Variants in PPARGC1A observed in about 807,000 individuals in gnomAD.
PPARGC1A encodes PPARG coactivator 1 alpha.
In PPARGC1A, 25 loss-of-function variants were observed where a neutral mutation model predicts 88.7. The observed-to-expected ratio is 0.28, with a 90% CI of 0.21 to 0.39. PPARGC1A has a LOEUF of 0.39. PPARGC1A is among the 10% of genes least tolerant of loss of function. The pLI, the probability that PPARGC1A is intolerant of heterozygous loss-of-function variation, is 1.00. For missense variants in PPARGC1A, 880 were observed against 968.7 expected (o/e 0.91, Z 1.22); for synonymous variants, 363 against 355.6 (o/e 1.02, Z -0.24).
chr4:24,031,450 G>A, the PPARGC1A span, among the ~76,000 whole-genome samples: 1 of 152,062 alleles, frequency 6.6e-6, no homozygotes, highest in Non-Finnish European at 1.5e-5. Context: ...TTTATATGTG[G>A]TCCCTTCAAA....
At chr4:24,182,998 G>A in the PPARGC1A span, among the ~76,000 whole-genome samples, 3 of 152,064 alleles carry the variant, frequency 2.0e-5, no homozygotes, top group South Asian at 2.1e-4. Flanking sequence ...TAATAAACAC[G>A]CAAAGGAATA....
chr4:23,959,375 A>G, the PPARGC1A span, among the ~76,000 whole-genome samples: 1 of 152,164 alleles, frequency 6.6e-6, no homozygotes, highest in African/African-American at 2.4e-5. Flanking sequence ...CCCCTCTTGC[A>G]TATTTCAGTA....
chr4:23,839,857 C>T (rs557210141), intron 2 of PPARGC1A, among the ~76,000 whole-genome samples: 2 of 151,970 alleles, frequency 1.3e-5, no homozygotes, highest in East Asian at 2.0e-4. Flanking sequence ...AGATCTCGTG[C>T]GACCCATTCA....
the PPARGC1A span, among the ~76,000 whole-genome samples, chr4:24,217,979 T>A: frequency 5.3e-5 from 8 of 152,202 alleles, no homozygotes; most frequent in Admixed American, 6.5e-5. Flanking sequence ...AAAACTTTTT[T>A]AAAATTGTTA....
At chr4:24,104,721 C>T in the PPARGC1A span, among the ~76,000 whole-genome samples, 3 of 152,052 alleles carry the variant, frequency 2.0e-5, no homozygotes, top group African/African-American at 2.4e-5. Flanking sequence ...ATACCTGTGA[C>T]GAGATGTGGA....
chr4:24,129,052 A>C, the PPARGC1A span, among the ~76,000 whole-genome samples: 1 of 152,380 alleles, frequency 6.6e-6, no homozygotes, highest in East Asian at 1.9e-4. Context: ...CAGAGCAAAA[A>C]ATTAAAGATG....
the PPARGC1A span, among the ~76,000 whole-genome samples, chr4:24,103,698 G>A: frequency 1.3e-5 from 2 of 151,858 alleles, no homozygotes; most frequent in East Asian, 3.9e-4. Flanking sequence ...CTCTTCTGGA[G>A]GCTGTTGGTA....
chr4:24,233,502 A>G, the PPARGC1A span, among the ~76,000 whole-genome samples: 13 of 152,118 alleles, frequency 8.5e-5, no homozygotes, highest in African/African-American at 1.9e-4. Flanking sequence ...AATAGAGAAC[A>G]TTCTACACAT....
At chr4:23,881,198 G>A (rs1488512889) in intron 2 of PPARGC1A, 1 of 152,154 alleles carries the variant, frequency 6.6e-6, no homozygotes, top group Non-Finnish European at 1.5e-5. Context: ...CTACCAGCCG[G>A]TCCAGGGACG....
At chr4:24,142,961 T>C in the PPARGC1A span, among the ~76,000 whole-genome samples, 1 of 152,172 alleles carries the variant, frequency 6.6e-6, no homozygotes, top group Non-Finnish European at 1.5e-5. Flanking sequence ...ACTGTGATTA[T>C]TATAAAATAA....
chr4:24,171,820 G>A, the PPARGC1A span, among the ~76,000 whole-genome samples: 1 of 152,158 alleles, frequency 6.6e-6, no homozygotes, highest in Non-Finnish European at 1.5e-5. Context: ...GACTATTGTT[G>A]TGGAAAACAC....
At chr4:24,370,854 G>C in the PPARGC1A span, among the ~76,000 whole-genome samples, 1 of 137,934 alleles carries the variant, frequency 7.2e-6, no homozygotes, top group African/African-American at 2.8e-5. Context: ...ATGGTGGTTT[G>C]CTGCACCTAT....
the PPARGC1A span, among the ~76,000 whole-genome samples, chr4:24,303,159 C>T: frequency 1.3e-5 from 2 of 152,128 alleles, no homozygotes; most frequent in African/African-American, 4.8e-5. Flanking sequence ...TAAATCCTCA[C>T]AAAGAATATT....
At chr4:24,246,618 ATAAAT>A in the PPARGC1A span, among the ~76,000 whole-genome samples, 1 of 152,262 alleles carries the variant, frequency 6.6e-6, no homozygotes, top group Non-Finnish European at 1.5e-5. Flanking sequence ...CCTGTCAAAA[ATAAAT>A]TAATGAATTT....
the PPARGC1A span, among the ~76,000 whole-genome samples, chr4:24,009,150 A>AAAAAAAAAAAATAAAAAAAAG: frequency 1.3e-5 from 1 of 79,798 alleles, no homozygotes; most frequent in South Asian, 4.3e-4. Flanking sequence ...AAAAAAAAAA[A>AAAAAAAAAAAATAAAAAAAAG]AGAGAGAGAA....
the PPARGC1A span, among the ~76,000 whole-genome samples, chr4:23,936,558 C>A: frequency 6.6e-6 from 1 of 152,072 alleles, no homozygotes; most frequent in African/African-American, 2.4e-5. Context: ...GGAACATGGA[C>A]AAACCCCATC....
chr4:24,254,631 C>T, the PPARGC1A span, among the ~76,000 whole-genome samples: 1 of 152,144 alleles, frequency 6.6e-6, no homozygotes, highest in Non-Finnish European at 1.5e-5. Flanking sequence ...GTTTCAGAAC[C>T]ACAACAGGAG....
At chr4:24,180,752 C>G in the PPARGC1A span, among the ~76,000 whole-genome samples, 2 of 152,134 alleles carry the variant, frequency 1.3e-5, no homozygotes, top group Non-Finnish European at 1.5e-5. Context: ...GGCTGTGAAA[C>G]TCCTCAAAGT....
At chr4:24,211,168 T>G in the PPARGC1A span, among the ~76,000 whole-genome samples, 1 of 152,076 alleles carries the variant, frequency 6.6e-6, no homozygotes, top group African/African-American at 2.4e-5. Flanking sequence ...AGTAGGTGCT[T>G]AATATTCATT....
Sources: allele counts gnomAD v4.1 joint callset (sites outside exome capture counted in the v4.1 genomes callset), GRCh38; gene constraint gnomAD v4.1.1; transcripts MANE v1.5; gene names NCBI Gene and HGNC (gene_info 2026-07-23, HGNC 2026-07-21).